Variants in AMN1 observed in about 807,000 individuals in gnomAD.
The protein encoded by AMN1 is antagonist of mitotic exit network 1 homolog, also known as protein AMN1 homolog.
In AMN1, 20 loss-of-function variants were observed where a neutral mutation model predicts 33.0. That is an observed-to-expected ratio of 0.61 (90% confidence interval 0.43 to 0.88). The LOEUF is 0.88. Ranked by LOEUF, AMN1 falls within the 40% of genes least tolerant of loss-of-function variation. The pLI, the probability that AMN1 is intolerant of heterozygous loss-of-function variation, is 0.00. For synonymous variants in AMN1, 114 were observed against 111.9 expected, an observed-to-expected ratio of 1.02 and a Z score of -0.12; for missense variants, 246 against 307.4, an observed-to-expected ratio of 0.80 and a Z score of 1.49.
At chr12:31,672,743 G>C (rs938128396) in intron 6 of AMN1, 1 of 183,210 alleles carries the variant, frequency 5.5e-6, no homozygotes, top group African/African-American at 2.4e-5. Flanking sequence ...ATTCACTAAA[G>C]TGGGGTGACT....
At chr12:31,724,435 C>A (rs576630924) in intron 1 of AMN1, among the ~76,000 whole-genome samples, 7 of 152,278 alleles carry the variant, frequency 4.6e-5, no homozygotes, top group Non-Finnish European at 8.8e-5. Flanking sequence ...ACATCCTGGG[C>A]AGACAGGGCA....
chr12:31,724,423 T>C (rs1478733410), intron 1 of AMN1, among the ~76,000 whole-genome samples: 1 of 152,090 alleles, frequency 6.6e-6, no homozygotes, highest in Non-Finnish European at 1.5e-5. Context: ...AAGGCAGAAT[T>C]CACATCCTGG....
chr12:31,705,888 G>T (rs1939214554), intron 2 of AMN1, among the ~76,000 whole-genome samples: 2 of 152,078 alleles, frequency 1.3e-5, no homozygotes, highest in Admixed American at 1.3e-4. Context: ...TCCTACCTTG[G>T]TGCTGTCAAT....
intron 5 of AMN1, among the ~76,000 whole-genome samples, chr12:31,695,930 C>T (rs191915402): frequency 6.6e-6 from 1 of 151,948 alleles, no homozygotes; most frequent in African/African-American, 2.4e-5. Context: ...CATTCCATTA[C>T]AATAGTTGGC....
chr12:31,725,918 C>T (rs183148470), intron 1 of AMN1, among the ~76,000 whole-genome samples: 102 of 152,154 alleles, frequency 6.7e-4, no homozygotes, highest in Admixed American at 1.8e-3. Flanking sequence ...AGGCTGGTCT[C>T]GAACTCCTGA....
chr12:31,707,781 TGG>T (rs1565777278), intron 2 of AMN1, among the ~76,000 whole-genome samples: 4 of 152,122 alleles, frequency 2.6e-5, no homozygotes, highest in African/African-American at 9.7e-5. Flanking sequence ...ACTGAGACAA[TGG>T]TAGAAGATGT....
At chr12:31,712,661 A>G (rs1288880952) in intron 1 of AMN1, among the ~76,000 whole-genome samples, 1 of 151,398 alleles carries the variant, frequency 6.6e-6, no homozygotes, top group East Asian at 1.9e-4. Context: ...TATTTTGGTT[A>G]TTTTTATTTT....
intron 1 of AMN1, among the ~76,000 whole-genome samples, chr12:31,709,764 G>A (rs1939396551): frequency 1.3e-5 from 2 of 152,178 alleles, no homozygotes; most frequent in African/African-American, 2.4e-5. Context: ...AGAAGGTCGA[G>A]ACTGCAGTGA....
chr12:31,712,472 T>C (rs1482748711), intron 1 of AMN1, among the ~76,000 whole-genome samples: 3 of 152,144 alleles, frequency 2.0e-5, no homozygotes, highest in Non-Finnish European at 4.4e-5. Flanking sequence ...GGTCTTGAAC[T>C]CTTGACCTCG....
rs1938105616 is a variant in AMN1, at chr12:31,683,163, A to G, written c.703+5844T>C. On this transcript the variant is annotated intron_variant, in intron 6 of 6. Transcript: ENST00000281471. This position sits in a 1 kb window ranked among gnomAD's most constrained non-coding sequence, Gnocchi z 4.1. Reference sequence around the variant, plus strand: ...TTTTTAGTAGAGAGGGGGTTTCACCATATTGGCCAGGCTGGTCTCAAACTC... The same window carrying G: ...TTTTTAGTAGAGAGGGGGTTTCACCGTATTGGCCAGGCTGGTCTCAAACTC... Among the ~76,000 whole-genome samples, 1 of 152,132 alleles carries G rather than the reference A, an allele frequency of 6.6e-6. No individual in the cohort carries two copies. The highest frequency in any genetic ancestry group is 1.5e-5 in the Non-Finnish European group (1 of 68,022).
chr12:31,709,568 C>A, intron 1 of AMN1, 143 bp from the exon 2 acceptor site: 1 of 1,026,384 alleles, frequency 9.7e-7, no homozygotes, highest in Non-Finnish European at 1.4e-6. Flanking sequence ...CCTGTAATCC[C>A]AACACTTTGG....
At chr12:31,726,977 ATCTATTTATTTATTTATTTT>A (rs1226273721) in intron 1 of AMN1, among the ~76,000 whole-genome samples, 1 of 51,520 alleles carries the variant, frequency 1.9e-5, no homozygotes, top group Non-Finnish European at 6.2e-5. Flanking sequence ...TCATTTATTT[ATCTATTTATTTATTTATTTT>A]GAGACCAGGT....
chr12:31,718,451 C>T (rs1939762460), intron 1 of AMN1, among the ~76,000 whole-genome samples: 2 of 152,030 alleles, frequency 1.3e-5, no homozygotes, highest in Admixed American at 1.3e-4. Flanking sequence ...AGTTTTGTTC[C>T]CTTGCTGGCA....
At chr12:31,681,155 C>T (rs1300153782) in intron 6 of AMN1, among the ~76,000 whole-genome samples, 1 of 152,036 alleles carries the variant, frequency 6.6e-6, no homozygotes, top group Admixed American at 6.6e-5. Context: ...TTTATATGAA[C>T]TATTTAAAAA....
chr12:31,684,925 G>T (rs1188513822), intron 6 of AMN1, among the ~76,000 whole-genome samples: 3 of 151,890 alleles, frequency 2.0e-5, no homozygotes, highest in African/African-American at 7.3e-5. Flanking sequence ...CAATAGAATT[G>T]CTCTGAAACA....
chr12:31,717,078 T>C (rs988702343), intron 1 of AMN1, among the ~76,000 whole-genome samples: 9 of 152,054 alleles, frequency 5.9e-5, no homozygotes, highest in Non-Finnish European at 1.0e-4. Context: ...ACATGCATTG[T>C]CTATTTGTCC....
intron 6 of AMN1, chr12:31,672,649 C>T (rs1951305981): frequency 3.2e-6 from 1 of 311,458 alleles, no homozygotes; most frequent in African/African-American, 2.2e-5. Context: ...CATAATTCCA[C>T]CAACCAGAGT....
chr12:31,696,280 G>GTATT (rs1555187227), intron 5 of AMN1, among the ~76,000 whole-genome samples: 4,594 of 150,046 alleles, frequency 0.031, 134 homozygotes, highest in Non-Finnish European at 0.043. Context: ...AAATAAAAAA[G>GTATT]TATTTATTTA....
chr12:31,713,471 T>A (rs1939549993), intron 1 of AMN1, among the ~76,000 whole-genome samples: 1 of 152,208 alleles, frequency 6.6e-6, no homozygotes, highest in South Asian at 2.1e-4. Context: ...CAGGGTGATA[T>A]ACATCTATGT....
Sources: gnomAD v4.1 joint callset for allele counts (sites outside exome capture counted in the v4.1 genomes callset) on GRCh38, gnomAD v4.1.1 for gene constraint, Gnocchi (gnomAD v3.1) non-coding constraint, MANE v1.5 for transcripts, NCBI Gene and HGNC (gene_info 2026-07-23, HGNC 2026-07-21) for gene names.